Variants in DNAI4 observed in about 807,000 individuals in gnomAD.
DNAI4 encodes WD repeat domain 78.
Under a neutral mutation model 105.8 loss-of-function variants are expected in DNAI4, and 85 were observed. That is an observed-to-expected ratio of 0.80 (90% CI 0.67 to 0.96). DNAI4 has a LOEUF of 0.96. Among genes scored for constraint, DNAI4 ranks in the 40% least tolerant of loss-of-function variants. The pLI, the probability that DNAI4 is intolerant of heterozygous loss-of-function variation, is 0.00. For synonymous variants in DNAI4, 352 were observed against 331.5 expected, an observed-to-expected ratio of 1.06 and a Z score of -0.67; for missense variants, 1,014 against 1,005.6, an observed-to-expected ratio of 1.01 and a Z score of -0.11.
chr1:66,924,583 C>T lies in DNAI4; in HGVS notation c.170+79G>A. ...TTAGGGTAGGGCCCCTTTCCAAATC[C>T]AGAAATGGTATCTATTAATAGAAGG... On this transcript the variant is annotated intron_variant, in intron 1 of 16. Transcript: ENST00000371026. 2.5e-6 allele frequency: 4 copies of T among 1,603,286 alleles called. No homozygotes were observed. In the South Asian group the frequency reaches 4.4e-5, roughly 18 times the overall value.
chr1:66,843,601 C>T (rs1395997557), intron 8 of DNAI4, among the ~76,000 whole-genome samples: 1 of 152,084 alleles, frequency 6.6e-6, no homozygotes, highest in Non-Finnish European at 1.5e-5. Flanking sequence ...TTTTAAAAGT[C>T]ATTGTAAGAT....
rs553414899 is a variant in DNAI4, at chr1:66,819,978, A to G, written c.2496+2383T>C. 8.9e-4 allele frequency among the ~76,000 whole-genome samples: 136 copies of G among 152,314 alleles called. No homozygotes were observed. In the Middle Eastern group the frequency reaches 0.01, roughly 11 times the overall value. On this transcript the variant is annotated intron_variant, in intron 16 of 16. Transcript: ENST00000371026. ...GGCTTATGGACAAAAGAAGAAAAAA[A>G]GATTACTATAAACTATGTATTTGGA...
At chr1:66,864,021 G>A (rs1646681268) in intron 6 of DNAI4, among the ~76,000 whole-genome samples, 1 of 152,086 alleles carries the variant, frequency 6.6e-6, no homozygotes, top group African/African-American at 2.4e-5. Context: ...ATTAATAACT[G>A]TTACATAAAT....
chr1:66,826,761 G>A (rs1018436154), intron 15 of DNAI4, 59 bp downstream of exon 15: 2 of 1,482,210 alleles, frequency 1.3e-6, no homozygotes, highest in African/African-American at 2.8e-5. Context: ...AAAACTATCA[G>A]GTATCACTTA....
At chr1:66,828,049 G>A in intron 13 of DNAI4, 139 bp from the exon 14 acceptor site, 1 of 471,284 alleles carries the variant, frequency 2.1e-6, no homozygotes, top group Non-Finnish European at 3.8e-6. Context: ...TACCAATCTT[G>A]TCTTTTTCTT....
intron 1 of DNAI4, among the ~76,000 whole-genome samples, chr1:66,918,689 C>A (rs548201529): frequency 4.6e-4 from 70 of 152,284 alleles, no homozygotes; most frequent in African/African-American, 1.7e-3. Flanking sequence ...TAAAAATGAG[C>A]TTTGGGACCT....
chr1:66,851,743 AAC>A (rs1380906319), intron 7 of DNAI4, among the ~76,000 whole-genome samples: 1 of 152,046 alleles, frequency 6.6e-6, no homozygotes, highest in Non-Finnish European at 1.5e-5. Context: ...ATGAAAACAA[AAC>A]ACAACATATC....
intron 1 of DNAI4, chr1:66,919,192 G>A (rs542035500): frequency 1.4e-4 from 56 of 391,812 alleles, no homozygotes; most frequent in East Asian, 4.8e-4. Context: ...GCTGTATCAC[G>A]GGTACACATC....
chr1:66,859,892 A>G (rs1646588323), intron 7 of DNAI4, among the ~76,000 whole-genome samples: 1 of 152,190 alleles, frequency 6.6e-6, no homozygotes, highest in African/African-American at 2.4e-5. Context: ...CTGTAATGGT[A>G]GAAACATGCC....
At chr1:66,892,995 AAGAG>A (rs1553227537) in intron 3 of DNAI4, among the ~76,000 whole-genome samples, 1,232 of 114,570 alleles carry the variant, frequency 0.011, 28 homozygotes, top group African/African-American at 0.022. Flanking sequence ...GAAAGAAAGA[AAGAG>A]AGAAAGAGAG....
chr1:66,891,323 C>G lies in DNAI4; in HGVS notation c.531-57G>C, dbSNP rs543270192. The G allele has an allele frequency of 6.6e-6, 8 of 1,210,612 alleles. No homozygotes were observed. The African/African-American group carries it at 9.0e-5, about 14-fold the overall frequency. 75.0% of individuals were successfully genotyped at this position (1,210,612 alleles called of 1,614,324 possible). On this transcript the variant is annotated intron_variant, in intron 3 of 16. Coordinates refer to ENST00000371026, the MANE Select transcript of DNAI4 (RefSeq NM_024763.5). ...ATTTAGATGTCCTTATAGGAAACTA[C>G]ATATACAAATTAGAACATATTATCA...
At chr1:66,845,217 T>TAAAAAAAAAAAAAAAAAAAAAAAAAA (rs869249698) in intron 8 of DNAI4, among the ~76,000 whole-genome samples, 1 of 38,108 alleles carries the variant, frequency 2.6e-5, no homozygotes, top group African/African-American at 1.0e-4. Flanking sequence ...AAAGAAAAAT[T>TAAAAAAAAAAAAAAAAAAAAAAAAAA]AAAAAAAAAA....
intron 7 of DNAI4, among the ~76,000 whole-genome samples, chr1:66,849,671 T>C (rs1215480738): frequency 1.3e-5 from 2 of 151,750 alleles, no homozygotes; most frequent in Non-Finnish European, 1.5e-5. Flanking sequence ...AATGAAAAAA[T>C]AGAAAGTATC....
chr1:66,886,831 C>A (rs750624066), intron 4 of DNAI4, among the ~76,000 whole-genome samples: 1 of 152,144 alleles, frequency 6.6e-6, no homozygotes, highest in Non-Finnish European at 1.5e-5. Flanking sequence ...ATTCCTTAAA[C>A]GCTGTTATCT....
intron 7 of DNAI4, among the ~76,000 whole-genome samples, chr1:66,850,995 G>A (rs568440217): frequency 6.6e-5 from 10 of 151,636 alleles, no homozygotes; most frequent in African/African-American, 1.7e-4. Flanking sequence ...GCTAACATGC[G>A]AATAAAAAAT....
chr1:66,916,924 G>A (rs1019528804), intron 1 of DNAI4, among the ~76,000 whole-genome samples: 4 of 151,160 alleles, frequency 2.6e-5, no homozygotes, highest in Non-Finnish European at 4.4e-5. Flanking sequence ...TTGGTTAAAT[G>A]AATGACTTAT....
At chr1:66,889,307 A>C (rs1308384308) in intron 4 of DNAI4, among the ~76,000 whole-genome samples, 1 of 152,218 alleles carries the variant, frequency 6.6e-6, no homozygotes, top group Admixed American at 6.5e-5. Context: ...CTGAAAAATG[A>C]CAGAGATAGG....
chr1:66,862,226 AGATTGTTTTACT>A lies in DNAI4; in HGVS notation c.1005_1016del (p.Lys337_Val340del). On this transcript the variant is annotated inframe_deletion, in exon 7 of 17. Transcript: ENST00000371026. ...TTGCTTTACTACTTGACTCAACCAC[AGATTGTTTTACT>A]GATAAAGATACAAGTTCCATAGCAT... The A allele has an allele frequency of 6.2e-7, 1 of 1,611,154 alleles. No homozygotes were observed. The highest frequency in any genetic ancestry group is 8.5e-7 in the Non-Finnish European group (1 of 1,178,990).
chr1:66,881,135 G>T (rs1229783431), intron 4 of DNAI4, among the ~76,000 whole-genome samples: 1 of 152,228 alleles, frequency 6.6e-6, no homozygotes, highest in Non-Finnish European at 1.5e-5. Context: ...TGGATGCCCA[G>T]CCAGAAGTTT....
Sources: gnomAD v4.1 joint callset for allele counts (sites outside exome capture counted in the v4.1 genomes callset) on GRCh38, gnomAD v4.1.1 for gene constraint, MANE v1.5 for transcripts, NCBI Gene and HGNC (gene_info 2026-07-23, HGNC 2026-07-21) for gene names.